The following KIF2A variants were observed in gnomAD, a reference collection of about 807,000 sequenced individuals.
KIF2A encodes the protein kinesin-like protein KIF2A.
KIF2A carries 22 observed loss-of-function variants against 100.2 expected under a neutral mutation model. That is an observed-to-expected ratio of 0.22 (90% CI 0.16 to 0.31). KIF2A has a LOEUF of 0.31. Among genes scored for constraint, KIF2A ranks in the 10% least tolerant of loss-of-function variants. The probability of loss-of-function intolerance (pLI) is 1.00; values close to 1 mark genes in which losing one functional copy is unlikely to be tolerated. For synonymous variants in KIF2A, 268 were observed against 285.9 expected (o/e 0.94, Z 0.63); for missense variants, 495 against 898.7 (o/e 0.55, Z 5.74).
At position 62,349,652 on chromosome 5, in the gene KIF2A, G is replaced by A. The variant is rs183563034; in HGVS notation, c.280-414G>A. On this transcript the variant is annotated intron_variant, in intron 3 of 20. Coordinates refer to ENST00000407818, the MANE Select transcript of KIF2A (RefSeq NM_001098511.3). ...GTATTCTGATATTTCAGTTTAACAA[G>A]GGGTTCTAAGCTGTCTAGAACTAAT... is the stretch of plus-strand genomic sequence containing the variant. Among the ~76,000 whole-genome samples, 47 of 152,198 alleles carry A rather than the reference G, an allele frequency of 3.1e-4. No individual in the cohort carries two copies. In the East Asian group the frequency reaches 4.6e-3, roughly 15 times the overall value.
intron 1 of KIF2A, among the ~76,000 whole-genome samples, chr5:62,333,630 A>G (rs1746766741): frequency 6.6e-6 from 1 of 152,144 alleles, no homozygotes; most frequent in Non-Finnish European, 1.5e-5. Flanking sequence ...ATACACAAGG[A>G]GCTCCCGTTA....
chr5:62,360,060 C>T (rs1365918671), intron 9 of KIF2A, among the ~76,000 whole-genome samples: 1 of 151,520 alleles, frequency 6.6e-6, no homozygotes, highest in African/African-American at 2.4e-5. Context: ...GGCATGATCT[C>T]GGCTCACTGC....
chr5:62,387,974 AT>A lies in KIF2A; in HGVS notation c.*2411del, dbSNP rs958018567. On this transcript the variant is annotated 3_prime_UTR_variant, in exon 21 of 21. Transcript: ENST00000407818. ...AATATCAATAAAGATATTTTTATTA[AT>A]TTTTTATAGAAACAAAATAGCTACT... 1 of 152,114 alleles carries A rather than the reference AT, an allele frequency of 6.6e-6. No individual in the cohort carries two copies. Among genetic ancestry groups the A allele is most frequent in the Admixed American group, 6.5e-5 (1 of 15,272 alleles). The allele number at this position is 152,114 out of a possible 1,614,324, so 9.4% of individuals were successfully genotyped here.
At chr5:62,363,126 C>T in intron 12 of KIF2A, 52 bp from the exon 13 acceptor site, 1 of 1,469,332 alleles carries the variant, frequency 6.8e-7, no homozygotes, top group Non-Finnish European at 9.2e-7. Flanking sequence ...TTGCACCTAG[C>T]CTGTTTTTTA....
rs1740897607 is a variant in KIF2A, at chr5:62,363,304, A to G, written c.1246A>G (p.Ile416Val). Residue 416 changes from isoleucine to valine, a missense_variant, in exon 13 of 21, where the codon ATA becomes GTA. Ile to Val is a conservative substitution (Grantham distance 29). Coordinates refer to ENST00000407818, the MANE Select transcript of KIF2A (RefSeq NM_001098511.3). ...TGAAGATGTACTGAAACTCATTGACATAGGCAACAGTTGCAGGTAAATCTC... is the reference window on the plus strand; with the variant it reads ...TGAAGATGTACTGAAACTCATTGACGTAGGCAACAGTTGCAGGTAAATCTC... Reference protein sequence around the residue: ...CVEDVLKLIDIGNSCRTSGQT... With the variant: ...CVEDVLKLIDVGNSCRTSGQT... 2 of 1,612,398 alleles carry G rather than the reference A, an allele frequency of 1.2e-6. No homozygotes were observed. The highest frequency in any genetic ancestry group is 1.7e-6 in the Non-Finnish European group (2 of 1,179,414).
Position 62,357,732 on chromosome 5 carries a change from A to C in KIF2A, c.696A>C (p.Pro232=). ...TATGTGTGTGTGTAAGAAAACGACC[A>C]CTCAATAAAAAAGGTATGGCACTTA... ...HRICVCVRKR[P]LNKKETQMKD... The change falls in exon 8 of 21, where the codon CCA becomes CCC. Residue 232 remains proline (P), a synonymous_variant. Coordinates refer to ENST00000407818, the MANE Select transcript of KIF2A (RefSeq NM_001098511.3). 7 of 1,557,872 alleles carry C rather than the reference A, an allele frequency of 4.5e-6. No individual in the cohort carries two copies. Among genetic ancestry groups the C allele is most frequent in the Non-Finnish European group, 6.2e-6 (7 of 1,132,000 alleles).
At chr5:62,374,230 T>G (rs1741443257) in intron 18 of KIF2A, among the ~76,000 whole-genome samples, 1 of 152,030 alleles carries the variant, frequency 6.6e-6, no homozygotes, top group Non-Finnish European at 1.5e-5. Context: ...AATGAGTAAA[T>G]AAGTCAGGGG....
intron 16 of KIF2A, among the ~76,000 whole-genome samples, chr5:62,367,371 A>C (rs1211048550): frequency 6.6e-6 from 1 of 151,668 alleles, no homozygotes; most frequent in Admixed American, 6.6e-5. Context: ...AGTTCAAGCG[A>C]TTTTCCTGCC....
At chr5:62,358,805 G>T (rs1748242736) in intron 9 of KIF2A, among the ~76,000 whole-genome samples, 2 of 152,050 alleles carry the variant, frequency 1.3e-5, no homozygotes, top group Admixed American at 1.3e-4. Context: ...TGAGTAGCTG[G>T]GACCACAGGC....
Position 62,306,448 on chromosome 5 carries a change from C to A in KIF2A, c.-25C>A, listed in dbSNP as rs1285927109. On this transcript the variant is annotated 5_prime_UTR_variant, in exon 1 of 21. Transcript: ENST00000407818. ...GCCCTCCGGTCCCCCTCCCTCGGCC[C>A]GCTGCTGCTGCTCCAGATGAGGTGA... The A allele has an allele frequency of 1.3e-6, 2 of 1,538,040 alleles. No homozygotes were observed. The highest frequency in any genetic ancestry group is 2.5e-5 in the East Asian group (1 of 39,808).
At chr5:62,333,352 C>T (rs767389437) in intron 1 of KIF2A, among the ~76,000 whole-genome samples, 1 of 152,098 alleles carries the variant, frequency 6.6e-6, no homozygotes, top group Non-Finnish European at 1.5e-5. Flanking sequence ...AGGCGGCAGT[C>T]GCTGTGGCTG....
chr5:62,347,925 A>G, intron 2 of KIF2A, 123 bp from the exon 3 acceptor site: 1 of 1,037,868 alleles, frequency 9.6e-7, no homozygotes, highest in Non-Finnish European at 1.4e-6. Flanking sequence ...CACCCAGCCG[A>G]GTTACTGTAT....
chr5:62,341,053 CTT>C (rs1747266957), intron 1 of KIF2A, among the ~76,000 whole-genome samples: 1 of 152,062 alleles, frequency 6.6e-6, no homozygotes, highest in Non-Finnish European at 1.5e-5. Flanking sequence ...ATGCTTAAGA[CTT>C]TGTCTATTCA....
At chr5:62,307,884 C>T (rs1057428733) in intron 1 of KIF2A, among the ~76,000 whole-genome samples, 4 of 152,118 alleles carry the variant, frequency 2.6e-5, no homozygotes, top group African/African-American at 9.7e-5. Context: ...TCCCAATGTG[C>T]TGGGATTACA....
At chr5:62,343,405 G>T (rs981094754) in intron 1 of KIF2A, among the ~76,000 whole-genome samples, 2 of 152,104 alleles carry the variant, frequency 1.3e-5, no homozygotes, top group African/African-American at 2.4e-5. Context: ...TTGGGGAAGT[G>T]GGGGGAATGG....
chr5:62,341,374 C>T (rs551041018), intron 1 of KIF2A, among the ~76,000 whole-genome samples: 5 of 152,054 alleles, frequency 3.3e-5, no homozygotes, highest in African/African-American at 1.2e-4. Flanking sequence ...AATCACAGCT[C>T]ACTGCAGCCT....
chr5:62,335,375 C>T (rs574883756), intron 1 of KIF2A, among the ~76,000 whole-genome samples: 1 of 152,318 alleles, frequency 6.6e-6, no homozygotes, highest in Non-Finnish European at 1.5e-5. Flanking sequence ...CCCTGTCCCC[C>T]ATTACTGTCC....
intron 20 of KIF2A, among the ~76,000 whole-genome samples, chr5:62,381,946 T>G (rs1166427920): frequency 6.6e-6 from 1 of 152,242 alleles, no homozygotes; most frequent in Non-Finnish European, 1.5e-5. Context: ...GTGCCTTACC[T>G]ACTAAGTCGT....
chr5:62,358,404 G>A, intron 9 of KIF2A, 105 bp downstream of exon 9: 1 of 688,686 alleles, frequency 1.5e-6, no homozygotes, highest in South Asian at 2.3e-5. Flanking sequence ...GGTGCAATAT[G>A]CTGTTTTATT....
Sources: gnomAD v4.1 joint callset for allele counts (sites outside exome capture counted in the v4.1 genomes callset) on GRCh38, gnomAD v4.1.1 for gene constraint, MANE v1.5 for transcripts, NCBI Gene and HGNC (gene_info 2026-07-23, HGNC 2026-07-21) for gene names.